The following FHIT variants were observed in gnomAD, a reference collection of about 807,000 sequenced individuals.
FHIT encodes the protein fragile histidine triad diadenosine triphosphatase.
Under a neutral mutation model 17.9 loss-of-function variants are expected in FHIT, and 19 were observed. That is an observed-to-expected ratio of 1.06 (90% CI 0.74 to 1.56). The LOEUF (loss-of-function observed/expected upper bound fraction) is 1.56, where lower values mean the gene tolerates loss of function less well. FHIT is among the 40% of genes most tolerant of loss of function. FHIT has a pLI of 0.00. For synonymous variants in FHIT, 81 were observed against 69.7 expected (o/e 1.16, Z -0.81); for missense variants, 248 against 189.2 (o/e 1.31, Z -1.82).
At chr3:60,133,245 GA>G (rs1470722719) in intron 5 of FHIT, among the ~76,000 whole-genome samples, 1 of 152,156 alleles carries the variant, frequency 6.6e-6, no homozygotes, top group East Asian at 1.9e-4. Flanking sequence ...TTCGGCCAGA[GA>G]AACTCCAAAG....
intron 5 of FHIT, among the ~76,000 whole-genome samples, chr3:60,119,888 C>A (rs1705168601): frequency 6.6e-6 from 1 of 152,150 alleles, no homozygotes; most frequent in South Asian, 2.1e-4. Flanking sequence ...TCTACTGGCT[C>A]CCCAGTGCTT....
At chr3:60,384,139 G>A (rs371479847) in intron 5 of FHIT, among the ~76,000 whole-genome samples, 5 of 151,926 alleles carry the variant, frequency 3.3e-5, no homozygotes, top group South Asian at 4.2e-4. Context: ...GTGGTGCTGC[G>A]TGCCTATAAT....
intron 4 of FHIT, among the ~76,000 whole-genome samples, chr3:60,631,931 G>A (rs1251612877): frequency 6.6e-6 from 1 of 152,168 alleles, no homozygotes; most frequent in African/African-American, 2.4e-5. Flanking sequence ...CAGCTACACA[G>A]AACTGGGCAG....
intron 5 of FHIT, among the ~76,000 whole-genome samples, chr3:60,209,219 C>T (rs890084773): frequency 6.6e-6 from 1 of 152,092 alleles, no homozygotes; most frequent in Non-Finnish European, 1.5e-5. Flanking sequence ...TGAAACACAA[C>T]AAACCAAACT....
At chr3:60,115,295 C>A (rs76624557) in intron 5 of FHIT, among the ~76,000 whole-genome samples, 5,674 of 152,174 alleles carry the variant, frequency 0.037, 355 homozygotes, top group African/African-American at 0.13. Context: ...CATCTTCAGA[C>A]AGAGTGCTAT....
chr3:59,931,743 G>A (rs1050374639), intron 7 of FHIT, among the ~76,000 whole-genome samples: 3 of 152,082 alleles, frequency 2.0e-5, no homozygotes, highest in Non-Finnish European at 4.4e-5. Flanking sequence ...TGAGTTTCGT[G>A]GCTTAACAAT....
intron 5 of FHIT, among the ~76,000 whole-genome samples, chr3:60,099,732 C>A (rs1704112702): frequency 6.6e-6 from 1 of 152,046 alleles, no homozygotes; most frequent in Non-Finnish European, 1.5e-5. Flanking sequence ...ATTTTTTTGA[C>A]TTTTTAATGG....
intron 3 of FHIT, among the ~76,000 whole-genome samples, chr3:60,873,785 T>C (rs933155235): frequency 6.6e-6 from 1 of 152,204 alleles, no homozygotes; most frequent in Non-Finnish European, 1.5e-5. Context: ...ATAACCCAGC[T>C]AATGTGTGCC....
At chr3:59,791,474 T>C (rs779391657) in intron 8 of FHIT, among the ~76,000 whole-genome samples, 1 of 152,180 alleles carries the variant, frequency 6.6e-6, no homozygotes, top group African/African-American at 2.4e-5. Flanking sequence ...CTTGTGCCCC[T>C]GGATCCAGCC....
rs117674531 is a variant in FHIT, at chr3:60,508,753, C to A, written c.103+28107G>T. On this transcript the variant is annotated intron_variant, in intron 5 of 9. Coordinates refer to ENST00000492590, the MANE Select transcript of FHIT (RefSeq NM_002012.4). Reference sequence around the variant, plus strand: ...GATTTGTATATTATGAGGGTGTTTTCTTTGACATCTTAAAGTTCAAAGATG... The same window carrying A: ...GATTTGTATATTATGAGGGTGTTTTATTTGACATCTTAAAGTTCAAAGATG... Among the ~76,000 whole-genome samples the A allele has an allele frequency of 2.8e-3, 433 of 152,030 alleles. 5 individuals carry two copies. The East Asian group carries it at 0.03, about 11-fold the overall frequency.
chr3:61,015,173 T>C (rs1426231312), intron 3 of FHIT, among the ~76,000 whole-genome samples: 1 of 152,108 alleles, frequency 6.6e-6, no homozygotes, highest in Non-Finnish European at 1.5e-5. Flanking sequence ...TGAACAATTT[T>C]CAATAAAATG....
chr3:60,540,104 G>A (rs532001969), intron 4 of FHIT, among the ~76,000 whole-genome samples: 2 of 152,054 alleles, frequency 1.3e-5, no homozygotes, highest in South Asian at 2.1e-4. Context: ...CAGTTTAATC[G>A]GTCATGTTTA....
intron 3 of FHIT, among the ~76,000 whole-genome samples, chr3:60,854,701 CA>C (rs1431006580): frequency 3.3e-5 from 5 of 152,030 alleles, no homozygotes; most frequent in African/African-American, 1.2e-4. Context: ...CCAGCCAAGT[CA>C]GTCTCTTTCT....
At chr3:60,457,897 C>A (rs996118448) in intron 5 of FHIT, among the ~76,000 whole-genome samples, 7 of 152,228 alleles carry the variant, frequency 4.6e-5, no homozygotes, top group African/African-American at 1.7e-4. Flanking sequence ...CATCTCACAC[C>A]AGTTAGAATG....
intron 3 of FHIT, among the ~76,000 whole-genome samples, chr3:60,870,757 G>C (rs1409971973): frequency 6.6e-6 from 1 of 152,116 alleles, no homozygotes; most frequent in Non-Finnish European, 1.5e-5. Flanking sequence ...GCCAACTGCT[G>C]GTTGTAAAAT....
chr3:60,244,375 T>C (rs1455824951), intron 5 of FHIT, among the ~76,000 whole-genome samples: 2 of 152,016 alleles, frequency 1.3e-5, no homozygotes, highest in African/African-American at 2.4e-5. Context: ...CTAAAAATAA[T>C]TTCCCAGGAT....
intron 5 of FHIT, among the ~76,000 whole-genome samples, chr3:60,360,610 T>C (rs1259847762): frequency 6.6e-6 from 1 of 152,160 alleles, no homozygotes; most frequent in Admixed American, 6.5e-5. Flanking sequence ...TCCTATGAAA[T>C]AGGTAACTAA....
intron 3 of FHIT, among the ~76,000 whole-genome samples, chr3:60,846,480 T>C (rs371337190): frequency 6.6e-6 from 1 of 152,206 alleles, no homozygotes; most frequent in Admixed American, 6.5e-5. Flanking sequence ...ATGTTGCATA[T>C]AGTCAAACTT....
At chr3:60,093,941 T>C (rs762849394) in intron 5 of FHIT, among the ~76,000 whole-genome samples, 67 of 152,274 alleles carry the variant, frequency 4.4e-4, no homozygotes, top group Non-Finnish European at 7.9e-4. Context: ...CAGGTCCAGC[T>C]ACCACAAATA....
Sources: gnomAD v4.1 joint callset for allele counts (sites outside exome capture counted in the v4.1 genomes callset) on GRCh38, gnomAD v4.1.1 for gene constraint, MANE v1.5 for transcripts, NCBI Gene and HGNC (gene_info 2026-07-23, HGNC 2026-07-21) for gene names.